CARS2: variants seen among roughly 807,000 people sequenced by gnomAD.
CARS2 encodes the protein cysteinyl-tRNA synthetase 2, mitochondrial, also known as probable cysteine--tRNA ligase, mitochondrial.
Under a neutral mutation model 68.8 loss-of-function variants are expected in CARS2, and 52 were observed. The observed-to-expected ratio is 0.76, with a 90% CI of 0.61 to 0.95. The LOEUF (loss-of-function observed/expected upper bound fraction) is 0.95. Among genes scored for constraint, CARS2 ranks in the 40% least tolerant of loss-of-function variants. The probability of loss-of-function intolerance (pLI) is 0.00; values close to 1 mark genes in which losing one functional copy is unlikely to be tolerated. For synonymous variants in CARS2, 314 were observed against 303.6 expected (o/e 1.03, Z -0.36); for missense variants, 780 against 754.2 (o/e 1.03, Z -0.40).
intron 6 of CARS2, among the ~76,000 whole-genome samples, chr13:110,682,246 G>C (rs1441381998): frequency 6.6e-6 from 1 of 152,244 alleles, no homozygotes; most frequent in Non-Finnish European, 1.5e-5. Flanking sequence ...CCTGATGCCA[G>C]AATGTACAAC....
At chr13:110,680,498 G>C (rs2063129060) in intron 6 of CARS2, among the ~76,000 whole-genome samples, 1 of 152,246 alleles carries the variant, frequency 6.6e-6, no homozygotes. Flanking sequence ...TCTAAGCCTA[G>C]AGCGGCCAGG....
chr13:110,649,139 G>C (rs926939332), intron 10 of CARS2: 3 of 152,354 alleles, frequency 2.0e-5, no homozygotes, highest in South Asian at 2.1e-4. Context: ...CTTTCATCAC[G>C]CGTAAGTGCA....
At chr13:110,645,781 C>G (rs1301262788) in intron 12 of CARS2, 186 bp downstream of exon 12, 3 of 729,564 alleles carry the variant, frequency 4.1e-6, no homozygotes, top group Non-Finnish European at 6.4e-6. Flanking sequence ...CCGGGAGGGT[C>G]AAGCCCCAGG....
chr13:110,701,565 A>C lies in CARS2; in HGVS notation c.276-10T>G. The C allele has an allele frequency of 8.2e-7, 1 of 1,215,304 alleles. No homozygotes were observed. The highest frequency in any genetic ancestry group is 2.3e-5 in the East Asian group (1 of 43,086). The allele number at this position is 1,215,304 out of a possible 1,614,324, so 75.3% of individuals were successfully genotyped here. ...AAATCTAACATATGAGCTGAAAGAAAAAAAGTGTCAGGATGTCTTTATTAC... is the reference window on the plus strand; with the variant it reads ...AAATCTAACATATGAGCTGAAAGAACAAAAGTGTCAGGATGTCTTTATTAC... On this transcript the variant is annotated splice_polypyrimidine_tract_variant and intron_variant, in intron 2 of 14. Coordinates refer to ENST00000257347, the MANE Select transcript of CARS2 (RefSeq NM_024537.4).
rs571053955 is a variant in CARS2, at chr13:110,662,108, T to C, written c.987+1343A>G. ...ACCTTCAATCTGTAAAGACACAGCA[T>C]CTGCGAAGTGCGGTCAAGTGAAGCT... On this transcript the variant is annotated intron_variant, in intron 9 of 14. Transcript: ENST00000257347. 1.4e-3 allele frequency among the ~76,000 whole-genome samples: 215 copies of C among 152,356 alleles called. 1 individual carries two copies. Among genetic ancestry groups the C allele is most frequent in the Middle Eastern group, 3.4e-3 (1 of 294 alleles).
intron 9 of CARS2, chr13:110,663,087 A>G (rs1368965011): frequency 2.1e-6 from 1 of 479,504 alleles, no homozygotes; most frequent in African/African-American, 2.0e-5. Context: ...AACAAATCCC[A>G]AAGCCACACC....
rs1302154832 is a variant in CARS2, at chr13:110,642,306, G to A, written c.1623+9C>T. ...GGGGTGATGTCCCTGACCTTGGTGC[G>A]GCACTCACCTTGATGTTGATGCCGT... On this transcript the variant is annotated intron_variant, in intron 14 of 14. Coordinates refer to ENST00000257347, the MANE Select transcript of CARS2 (RefSeq NM_024537.4). 19 of 1,546,338 alleles carry A rather than the reference G, an allele frequency of 1.2e-5. No homozygotes were observed. Among genetic ancestry groups the A allele is most frequent in the Middle Eastern group, 2.0e-4 (1 of 5,058 alleles).
At chr13:110,704,411 G>A (rs531150235) in intron 2 of CARS2, among the ~76,000 whole-genome samples, 1 of 152,308 alleles carries the variant, frequency 6.6e-6, no homozygotes, top group South Asian at 2.1e-4. Flanking sequence ...AAAGTAAAGG[G>A]GAAAAATGTA....
intron 14 of CARS2, 120 bp from the exon 15 acceptor site, chr13:110,641,728 GC>G: frequency 1.2e-6 from 1 of 816,248 alleles, no homozygotes; most frequent in Non-Finnish European, 2.1e-6. Context: ...TAAAAAGCTT[GC>G]CAGGCGCTTA....
chr13:110,641,426 T>C lies in CARS2; in HGVS notation c.*111A>G. The C allele has an allele frequency of 1.1e-6, 1 of 871,762 alleles. No homozygotes were observed. Among genetic ancestry groups the C allele is most frequent in the Non-Finnish European group, 1.9e-6 (1 of 514,412 alleles). The allele number at this position is 871,762 out of a possible 1,614,324, so 54.0% of individuals were successfully genotyped here. ...CGCCAGTGGGACACTGTTGGTTGCC[T>C]TACTTTAATGCTGACCTAGCAGCCC... On this transcript the variant is annotated 3_prime_UTR_variant, in exon 15 of 15. Transcript: ENST00000257347.
chr13:110,645,997 G>A lies in CARS2; in HGVS notation c.1287C>T (p.His429=), dbSNP rs143945861. The A allele has an allele frequency of 3.9e-4, 637 of 1,613,940 alleles. No homozygotes were observed. Among genetic ancestry groups the A allele is most frequent in the Admixed American group, 5.0e-4 (30 of 59,970 alleles). The change falls in exon 12 of 15, where the codon CAC becomes CAT. Residue 429 remains histidine (H), a synonymous_variant. Coordinates refer to ENST00000257347, the MANE Select transcript of CARS2 (RefSeq NM_024537.4). The part of the protein sequence containing the change: ...VVDAILGLAH[H]GNGQLRASLK... ...GGGACGCCCTGAGCTGTCCATTCCC[G>A]TGGTGTGCAAGGCCCAGGATGGCAT...
chr13:110,693,167 A>G (rs1283623727), intron 3 of CARS2, among the ~76,000 whole-genome samples: 1 of 151,564 alleles, frequency 6.6e-6, no homozygotes, highest in African/African-American at 2.4e-5. Flanking sequence ...GAGACAACAT[A>G]TAAACACACA....
intron 10 of CARS2, chr13:110,648,976 G>C (rs575961121): frequency 6.6e-6 from 1 of 152,340 alleles, no homozygotes; most frequent in Non-Finnish European, 1.5e-5. Context: ...GCCACGAGGG[G>C]AGCAAGCACG....
intron 3 of CARS2, chr13:110,698,048 G>A (rs1389356711): frequency 2.3e-5 from 10 of 440,180 alleles, no homozygotes; most frequent in Non-Finnish European, 4.5e-5. Context: ...CCAGCCCAAA[G>A]GCGGCCTCTG....
chr13:110,645,292 C>T (rs544292038), intron 12 of CARS2: 2 of 152,610 alleles, frequency 1.3e-5, no homozygotes, highest in African/African-American at 4.8e-5. Flanking sequence ...ACACTGCACG[C>T]AGCCAGGGAT....
At chr13:110,711,866 C>T (rs1391380659) in intron 1 of CARS2, among the ~76,000 whole-genome samples, 3 of 152,344 alleles carry the variant, frequency 2.0e-5, no homozygotes, top group East Asian at 3.9e-4. Context: ...GGAATGAGCA[C>T]CACTGCGGTT....
intron 9 of CARS2, among the ~76,000 whole-genome samples, chr13:110,657,006 A>G (rs531657878): frequency 1.3e-5 from 2 of 152,250 alleles, no homozygotes; most frequent in Non-Finnish European, 2.9e-5. Context: ...ACATTTCAAT[A>G]AAGCTATTAG....
At chr13:110,666,233 C>T in intron 8 of CARS2, 1 of 985,404 alleles carries the variant, frequency 1.0e-6, no homozygotes, top group Non-Finnish European at 1.2e-6. Context: ...CATGTGAGCG[C>T]CAGCTGAAAC....
At chr13:110,712,972 G>A (rs1021977547) in intron 1 of CARS2, 9 of 1,559,404 alleles carry the variant, frequency 5.8e-6, no homozygotes, top group Non-Finnish European at 7.8e-6. Flanking sequence ...TCCGGCCGCG[G>A]AATGGGTAGG....
Sources: gnomAD v4.1 joint callset for allele counts (sites outside exome capture counted in the v4.1 genomes callset) on GRCh38, gnomAD v4.1.1 for gene constraint, MANE v1.5 for transcripts, NCBI Gene and HGNC (gene_info 2026-07-23, HGNC 2026-07-21) for gene names.